Variants in RNF111 observed in about 807,000 individuals in gnomAD.
RNF111 encodes E3 ubiquitin-protein ligase Arkadia.
RNF111 carries 17 observed loss-of-function variants against 95.1 expected under a neutral mutation model. The observed-to-expected ratio is 0.18, with a 90% CI of 0.12 to 0.27. The LOEUF (loss-of-function observed/expected upper bound fraction) is 0.27. RNF111 is among the 10% of genes least tolerant of loss of function. The pLI is 1.00. For synonymous variants in RNF111, 440 were observed against 414.8 expected (o/e 1.06, Z -0.74); for missense variants, 1,189 against 1,210.4 (o/e 0.98, Z 0.26).
At chr15:59,023,569 T>G (rs1405884336) in intron 1 of RNF111, among the ~76,000 whole-genome samples, 6 of 152,204 alleles carry the variant, frequency 3.9e-5, no homozygotes, top group African/African-American at 1.4e-4. Flanking sequence ...GTAACTGGCC[T>G]GTCTTACTGT....
intron 6 of RNF111, among the ~76,000 whole-genome samples, chr15:59,069,819 A>C (rs751185993): frequency 4.1e-4 from 62 of 152,052 alleles, no homozygotes; most frequent in Non-Finnish European, 4.7e-4. Context: ...GGAGCAGAAG[A>C]AGCAAACAAA....
At chr15:59,085,029 G>A (rs1315918591) in intron 9 of RNF111, among the ~76,000 whole-genome samples, 1 of 152,106 alleles carries the variant, frequency 6.6e-6, no homozygotes, top group African/African-American at 2.4e-5. Context: ...TCCTAGACTT[G>A]TGGTCTTTCC....
At chr15:59,014,160 G>A (rs1188618052) in intron 1 of RNF111, among the ~76,000 whole-genome samples, 1 of 152,014 alleles carries the variant, frequency 6.6e-6, no homozygotes, top group African/African-American at 2.4e-5. Flanking sequence ...TTCCAGCTTT[G>A]GCCTTTGGGA....
intron 12 of RNF111, among the ~76,000 whole-genome samples, chr15:59,092,019 G>C (rs1010134957): frequency 6.6e-6 from 1 of 152,180 alleles, no homozygotes; most frequent in Non-Finnish European, 1.5e-5. Flanking sequence ...CAGCCCAGGG[G>C]TTGGAGACTC....
intron 5 of RNF111, among the ~76,000 whole-genome samples, chr15:59,065,121 A>G (rs1317410664): frequency 6.6e-6 from 1 of 152,094 alleles, no homozygotes; most frequent in East Asian, 1.9e-4. Flanking sequence ...AGGCTAGGAC[A>G]GTAATGTTCC....
chr15:59,036,525 G>A (rs2041187425), intron 2 of RNF111, among the ~76,000 whole-genome samples: 1 of 152,146 alleles, frequency 6.6e-6, no homozygotes, highest in South Asian at 2.1e-4. Flanking sequence ...AAAATCATCA[G>A]ATCTCATGAG....
chr15:59,076,390 AGTTT>A (rs1225207087), intron 7 of RNF111, among the ~76,000 whole-genome samples, 175 bp downstream of exon 7: 1 of 152,216 alleles, frequency 6.6e-6, no homozygotes, highest in Non-Finnish European at 1.5e-5. Context: ...ATTGAATGGA[AGTTT>A]TAAGGAATTT....
chr15:59,025,229 A>G (rs1472154614), intron 1 of RNF111, among the ~76,000 whole-genome samples: 10 of 152,180 alleles, frequency 6.6e-5, no homozygotes, highest in African/African-American at 2.2e-4. Context: ...TATCGTGAGT[A>G]TAACTTTCTC....
intron 1 of RNF111, among the ~76,000 whole-genome samples, chr15:59,030,112 A>G (rs543199523): frequency 1.1e-4 from 16 of 152,196 alleles, no homozygotes; most frequent in Non-Finnish European, 5.9e-5. Flanking sequence ...TTAGCTGTAC[A>G]AAGTTTGATT....
At chr15:59,055,175 A>G (rs1355331450) in intron 3 of RNF111, among the ~76,000 whole-genome samples, 1 of 152,182 alleles carries the variant, frequency 6.6e-6, no homozygotes, top group African/African-American at 2.4e-5. Flanking sequence ...ACCTCTACAC[A>G]TCAGGAAATC....
At chr15:59,086,093 T>C (rs2078892188) in intron 10 of RNF111, among the ~76,000 whole-genome samples, 1 of 152,014 alleles carries the variant, frequency 6.6e-6, no homozygotes, top group Admixed American at 6.6e-5. Flanking sequence ...TGGTAATAGA[T>C]CCGTTCTGAT....
intron 4 of RNF111, among the ~76,000 whole-genome samples, chr15:59,057,506 G>T (rs534334964): frequency 1.3e-3 from 199 of 152,196 alleles, no homozygotes; most frequent in Non-Finnish European, 2.4e-3. Flanking sequence ...AGATTTAATT[G>T]TCGTGACTAT....
At chr15:59,006,870 T>C (rs948920407) in intron 1 of RNF111, among the ~76,000 whole-genome samples, 9 of 152,204 alleles carry the variant, frequency 5.9e-5, no homozygotes, top group Non-Finnish European at 1.3e-4. Flanking sequence ...CACTGCAACC[T>C]CCGCCTCCCG....
chr15:59,082,921 T>C (rs1206719046), intron 8 of RNF111, among the ~76,000 whole-genome samples: 1 of 152,198 alleles, frequency 6.6e-6, no homozygotes, highest in African/African-American at 2.4e-5. Flanking sequence ...AACTGGCAAA[T>C]TGTTGTTTAG....
In RNF111 at chr15:59,097,302, C is replaced by A. The variant is rs1209695214; in HGVS notation, c.*2402C>A. 4 of 152,200 alleles carry A rather than the reference C, an allele frequency of 2.6e-5. No homozygotes were observed. Among genetic ancestry groups the A allele is most frequent in the African/African-American group, 4.8e-5 (2 of 41,446 alleles). The allele number at this position is 152,200 out of a possible 1,614,324, so 9.4% of individuals were successfully genotyped here. On this transcript the variant is annotated 3_prime_UTR_variant, in exon 14 of 14. Coordinates refer to ENST00000348370, the MANE Select transcript of RNF111 (RefSeq NM_017610.8). ...CCTTATTTTTATTGTTGTTAACATG[C>A]AAGTGATAAACTGATAATTTGAAAC...
intron 1 of RNF111, among the ~76,000 whole-genome samples, chr15:59,002,992 C>CT (rs1451438055): frequency 6.6e-6 from 1 of 152,078 alleles, no homozygotes; most frequent in African/African-American, 2.4e-5. Flanking sequence ...TTCTTTCTTC[C>CT]TTTTTTGTGA....
intron 2 of RNF111, among the ~76,000 whole-genome samples, chr15:59,041,169 C>T (rs2041429674): frequency 6.6e-6 from 1 of 152,154 alleles, no homozygotes; most frequent in African/African-American, 2.4e-5. Context: ...TCATCATACT[C>T]CCTTGCATGG....
intron 2 of RNF111, among the ~76,000 whole-genome samples, chr15:59,048,854 G>A (rs2041833921): frequency 6.6e-6 from 1 of 152,142 alleles, no homozygotes; most frequent in African/African-American, 2.4e-5. Context: ...TTGGGGGACT[G>A]AGGTGGGAGG....
chr15:59,008,103 G>GT (rs1157244819), intron 1 of RNF111, among the ~76,000 whole-genome samples: 2 of 152,246 alleles, frequency 1.3e-5, no homozygotes, highest in Non-Finnish European at 2.9e-5. Flanking sequence ...TTTCTGCTGT[G>GT]TTTTTTCTAG....
Sources: gnomAD v4.1 joint callset for allele counts (sites outside exome capture counted in the v4.1 genomes callset) on GRCh38, gnomAD v4.1.1 for gene constraint, MANE v1.5 for transcripts, NCBI Gene and HGNC (gene_info 2026-07-23, HGNC 2026-07-21) for gene names.